TLCD3B: variants seen among roughly 807,000 people sequenced by gnomAD.
TLCD3B encodes TLC domain containing 3B.
A neutral mutation model predicts 23.0 loss-of-function variants in TLCD3B; 9 were observed. The ratio of observed to expected loss-of-function variants is 0.39; its 90% CI spans 0.24 to 0.68. TLCD3B has a LOEUF of 0.68. TLCD3B is among the 30% of genes least tolerant of loss of function. TLCD3B has a pLI of 0.44. For synonymous variants in TLCD3B, 161 were observed against 161.0 expected (o/e 1.00, Z 0.00); for missense variants, 307 against 371.8 (o/e 0.83, Z 1.43).
Position 30,025,169 on chromosome 16 carries a change from C to T in TLCD3B, c.*14G>A. 1 of 1,432,034 alleles carries T rather than the reference C, an allele frequency of 7.0e-7. No individual in the cohort carries two copies. Among genetic ancestry groups the T allele is most frequent in the African/African-American group, 1.5e-5 (1 of 68,900 alleles). The allele number at this position is 1,432,034 out of a possible 1,614,324, so 88.7% of individuals were successfully genotyped here. On this transcript the variant is annotated 3_prime_UTR_variant, in exon 5 of 5. Coordinates refer to ENST00000380495, the MANE Select transcript of TLCD3B (RefSeq NM_031478.6). This position sits in a 1 kb window ranked among gnomAD's most constrained non-coding sequence, Gnocchi z 4.1. ...GGGTGGGGGTGGGGAGGGGGAGGGT[C>T]CCGGCCCCCGGCCTCAGTCCTGGGC... is the stretch of plus-strand genomic sequence containing the variant.
chr16:30,052,506 G>T (rs965758134), intron 1 of TLCD3B, among the ~76,000 whole-genome samples: 3 of 151,788 alleles, frequency 2.0e-5, no homozygotes, highest in Non-Finnish European at 4.4e-5. Context: ...AGACCAGCCT[G>T]GTCAACATTG....
intron 2 of TLCD3B, among the ~76,000 whole-genome samples, chr16:30,044,010 CT>C (rs34857578): frequency 0.025 from 3,491 of 138,874 alleles, 113 homozygotes; most frequent in African/African-American, 0.079. Flanking sequence ...TAACCATGTC[CT>C]TTTTTTTTTT....
At position 30,026,872 on chromosome 16, in the gene TLCD3B, G is replaced by A. The variant is rs147406823; in HGVS notation, c.210-29C>T. On this transcript the variant is annotated intron_variant, in intron 2 of 4. Transcript: ENST00000380495. Reference sequence around the variant, plus strand: ...TTGGGCAGAGAGACGGGGTGGGGGAGCAAGGAGGAAAGGGGACACCAGTGA... The same window carrying A: ...TTGGGCAGAGAGACGGGGTGGGGGAACAAGGAGGAAAGGGGACACCAGTGA... 5.0e-3 allele frequency: 7,939 copies of A among 1,593,876 alleles called. 37 individuals carry two copies. Among genetic ancestry groups the A allele is most frequent in the Admixed American group, 5.5e-3 (326 of 59,082 alleles).
intron 3 of TLCD3B, among the ~76,000 whole-genome samples, chr16:30,040,766 C>T (rs1441079274): frequency 6.6e-6 from 1 of 152,058 alleles, no homozygotes; most frequent in Non-Finnish European, 1.5e-5. Context: ...AGTGATCCTT[C>T]CACCTCAGCC....
intron 2 of TLCD3B, among the ~76,000 whole-genome samples, chr16:30,044,600 C>T (rs1003203505): frequency 1.3e-5 from 2 of 152,188 alleles, no homozygotes; most frequent in African/African-American, 4.8e-5. Flanking sequence ...AAGTAAGCCA[C>T]TGTGGCTACC....
In TLCD3B at chr16:30,025,867, T is replaced by C; in HGVS notation, c.445-46A>G. 1 of 1,497,098 alleles carries C rather than the reference T, an allele frequency of 6.7e-7. No homozygotes were observed. Among genetic ancestry groups the C allele is most frequent in the Non-Finnish European group, 9.3e-7 (1 of 1,076,896 alleles). The allele number at this position is 1,497,098 out of a possible 1,614,324, so 92.7% of individuals were successfully genotyped here. ...GTGAGGAGCTGGGGCTCTCCCTGGG[T>C]TCTTGGGCAGCCCCCGCCCTTCCTC... On this transcript the variant is annotated intron_variant, in intron 3 of 4. Transcript: ENST00000380495. This position sits in a 1 kb window ranked among gnomAD's most constrained non-coding sequence, Gnocchi z 4.1.
rs80278670 is a variant in TLCD3B at position 30,044,731 on chromosome 16, G to C, written c.-229+1592C>G. 8.5e-3 allele frequency among the ~76,000 whole-genome samples: 1,288 copies of C among 152,280 alleles called. 10 individuals carry two copies. The highest frequency in any genetic ancestry group is 0.029 in the African/African-American group (1,205 of 41,550). On this transcript the variant is annotated intron_variant, in intron 2 of 6. Coordinates refer to the TLCD3B transcript ENST00000561666. ...AACACATTTTATAACATTCTAGCTA[G>C]ATACTATGGGCAGCTGCTCATTCTG...
At position 30,025,584 on chromosome 16, in the gene TLCD3B, G is replaced by A. The variant is rs1043355875; in HGVS notation, c.541-117C>T. The A allele has an allele frequency of 1.3e-6, 2 of 1,509,422 alleles. No homozygotes were observed. Among genetic ancestry groups the A allele is most frequent in the Admixed American group, 1.7e-5 (1 of 59,646 alleles). The allele number at this position is 1,509,422 out of a possible 1,614,324, so 93.5% of individuals were successfully genotyped here. ...TCCTCCCAAACCAGACACTTTGCCA[G>A]GACACAAGCACCAGGTGCTCAAAAT... On this transcript the variant is annotated intron_variant, in intron 4 of 4. Transcript: ENST00000380495. The surrounding 1 kb of genome is among the most constrained non-coding windows in gnomAD (Gnocchi z 4.1).
At chr16:30,047,349 T>G (rs912237975) in intron 1 of TLCD3B, among the ~76,000 whole-genome samples, 1 of 151,976 alleles carries the variant, frequency 6.6e-6, no homozygotes, top group African/African-American at 2.4e-5. Flanking sequence ...TGAGATGGAG[T>G]CTTCCTCTGT....
Position 30,025,601 on chromosome 16 carries a change from G to A in TLCD3B, c.540+125C>T. 4 of 1,472,776 alleles carry A rather than the reference G, an allele frequency of 2.7e-6. No homozygotes were observed. Among genetic ancestry groups the A allele is most frequent in the Non-Finnish European group, 3.8e-6 (4 of 1,055,106 alleles). 91.2% of individuals were successfully genotyped at this position (1,472,776 alleles called of 1,614,324 possible). A position where few individuals can be genotyped will look rare whatever the true frequency, so the allele number is the denominator to read the frequency against. On this transcript the variant is annotated intron_variant, in intron 4 of 4. Coordinates refer to ENST00000380495, the MANE Select transcript of TLCD3B (RefSeq NM_031478.6). This position sits in a 1 kb window ranked among gnomAD's most constrained non-coding sequence, Gnocchi z 4.1. ...CTTTGCCAGGACACAAGCACCAGGT[G>A]CTCAAAATGCACGGGGTGAGGGGGG...
chr16:30,030,390 G>T lies in TLCD3B; in HGVS notation c.125+13C>A, dbSNP rs2071318282. On this transcript the variant is annotated intron_variant, in intron 1 of 4. Coordinates refer to ENST00000380495, the MANE Select transcript of TLCD3B (RefSeq NM_031478.6). ...GAAGCAGACAGGGGCTGAGGGGAAA[G>T]AAAGTGGTTTACCTGGCTGAGACAA... 1 of 1,553,890 alleles carries T rather than the reference G, an allele frequency of 6.4e-7. No individual in the cohort carries two copies. Among genetic ancestry groups the T allele is most frequent in the Non-Finnish European group, 8.7e-7 (1 of 1,151,478 alleles).
At chr16:30,032,648 T>C (rs1254812399), upstream of TLCD3B, 1 of 147,520 alleles carries the variant, frequency 6.8e-6, no homozygotes. Context: ...TGGGGTTTTT[T>C]TTTTTTTTTT....
chr16:30,047,179 A>C (rs377220582), intron 1 of TLCD3B, among the ~76,000 whole-genome samples: 5 of 151,656 alleles, frequency 3.3e-5, no homozygotes, highest in Non-Finnish European at 1.5e-5. Context: ...CTATCTATCT[A>C]TCTATCTATC....
intron 2 of TLCD3B, among the ~76,000 whole-genome samples, chr16:30,044,786 AAAAG>A (rs1169893511): frequency 3.3e-5 from 5 of 152,176 alleles, no homozygotes; most frequent in Admixed American, 2.6e-4. Context: ...CCTTGTTCAA[AAAAG>A]AAAGATCAGG....
At position 30,024,921 on chromosome 16, in the gene TLCD3B, C is replaced by T; in HGVS notation, c.*262G>A. 1 of 438,920 alleles carries T rather than the reference C, an allele frequency of 2.3e-6. No individual in the cohort carries two copies. Among genetic ancestry groups the T allele is most frequent in the Non-Finnish European group, 4.0e-6 (1 of 249,578 alleles). The allele number at this position is 438,920 out of a possible 1,614,324, so 27.2% of individuals were successfully genotyped here. A position where few individuals can be genotyped will look rare whatever the true frequency, so the allele number is the denominator to read the frequency against. Reference sequence around the variant, plus strand: ...TTGGTGTCCCTCCCCACAAGCCCTCCTGCCCTCAGTGGGTGGGAGGCGGTG... The same window carrying T: ...TTGGTGTCCCTCCCCACAAGCCCTCTTGCCCTCAGTGGGTGGGAGGCGGTG... On this transcript the variant is annotated 3_prime_UTR_variant, in exon 5 of 5. Coordinates refer to ENST00000380495, the MANE Select transcript of TLCD3B (RefSeq NM_031478.6).
chr16:30,030,620 C>A lies in TLCD3B; in HGVS notation c.-93G>T. The A allele has an allele frequency of 7.0e-7, 1 of 1,421,000 alleles. No homozygotes were observed. The highest frequency in any genetic ancestry group is 9.2e-7 in the Non-Finnish European group (1 of 1,088,626). The allele number at this position is 1,421,000 out of a possible 1,614,324, so 88.0% of individuals were successfully genotyped here. A position where few individuals can be genotyped will look rare whatever the true frequency, so the allele number is the denominator to read the frequency against. ...TTAGGGGTGGAGAAGGGACGCCAAGCCCGGGAAGGAGGGAGAAAACGATGA... is the reference window on the plus strand; with the variant it reads ...TTAGGGGTGGAGAAGGGACGCCAAGACCGGGAAGGAGGGAGAAAACGATGA... On this transcript the variant is annotated 5_prime_UTR_variant, in exon 1 of 5. Coordinates refer to ENST00000380495, the MANE Select transcript of TLCD3B (RefSeq NM_031478.6).
intron 1 of TLCD3B, among the ~76,000 whole-genome samples, chr16:30,048,270 T>C (rs959795849): frequency 1.3e-5 from 2 of 151,712 alleles, no homozygotes; most frequent in Non-Finnish European, 2.9e-5. Flanking sequence ...AAAACATGCA[T>C]GTCTAATTTT....
At chr16:30,036,919 T>C (rs1204902342) in intron 3 of TLCD3B, among the ~76,000 whole-genome samples, 1 of 151,592 alleles carries the variant, frequency 6.6e-6, no homozygotes, top group Non-Finnish European at 1.5e-5. Flanking sequence ...ACCCTGTCTC[T>C]ACTAAAAATA....
rs147009869 is a variant in TLCD3B, at chr16:30,029,871, G to A, written c.126-356C>T. Among the ~76,000 whole-genome samples the A allele has an allele frequency of 1.3e-5, 2 of 152,310 alleles. No homozygotes were observed. The highest frequency in any genetic ancestry group is 1.9e-4 in the East Asian group (1 of 5,184). On this transcript the variant is annotated intron_variant, in intron 1 of 4. Transcript: ENST00000380495. The surrounding 1 kb of genome is among the most constrained non-coding windows in gnomAD (Gnocchi z 4.6). ...TCTCCCCACGAGGGGAGCCTGGGCC[G>A]GTTCTTGCCCCGCTTAGCTGTCCAG...
Sources: gnomAD v4.1 joint callset for allele counts (sites outside exome capture counted in the v4.1 genomes callset) on GRCh38, gnomAD v4.1.1 for gene constraint, Gnocchi (gnomAD v3.1) non-coding constraint, MANE v1.5 for transcripts, NCBI Gene and HGNC (gene_info 2026-07-23, HGNC 2026-07-21) for gene names.